The following CDON variants were observed in gnomAD, a reference collection of about 807,000 sequenced individuals.
The protein encoded by CDON is cell adhesion associated, oncogene regulated.
A neutral mutation model predicts 120.9 loss-of-function variants in CDON; 73 were observed. The observed-to-expected ratio is 0.60, with a 90% CI of 0.50 to 0.73. The LOEUF (loss-of-function observed/expected upper bound fraction) is 0.73. Among genes scored for constraint, CDON ranks in the 30% least tolerant of loss-of-function variants. CDON has a pLI of 0.00. For synonymous variants in CDON, 566 were observed against 573.5 expected, an observed-to-expected ratio of 0.99 and a Z score of 0.19; for missense variants, 1,470 against 1,587.3, an observed-to-expected ratio of 0.93 and a Z score of 1.26.
At chr11:125,996,002 C>G (rs1019015094) in intron 12 of CDON, among the ~76,000 whole-genome samples, 9 of 152,092 alleles carry the variant, frequency 5.9e-5, no homozygotes, top group African/African-American at 1.9e-4. Flanking sequence ...GGGGAGGGTT[C>G]CTCTGCTGAA....
intron 8 of CDON, among the ~76,000 whole-genome samples, chr11:126,008,196 G>A (rs1488059169): frequency 6.6e-6 from 1 of 152,014 alleles, no homozygotes; most frequent in Non-Finnish European, 1.5e-5. Context: ...AAAACCCAAA[G>A]TCTCTGGAAA....
At chr11:125,976,968 C>T (rs1946166100) in intron 18 of CDON, among the ~76,000 whole-genome samples, 1 of 152,154 alleles carries the variant, frequency 6.6e-6, no homozygotes, top group Non-Finnish European at 1.5e-5. Context: ...TCCAGGAGAA[C>T]CAAGATCTGC....
intron 7 of CDON, among the ~76,000 whole-genome samples, chr11:126,012,997 T>G (rs1233512118): frequency 6.6e-6 from 1 of 152,232 alleles, no homozygotes; most frequent in Non-Finnish European, 1.5e-5. Flanking sequence ...CAATGTTTCC[T>G]GTAAGTCCTT....
intron 7 of CDON, among the ~76,000 whole-genome samples, chr11:126,011,916 T>A (rs908122264): frequency 6.6e-6 from 1 of 152,208 alleles, no homozygotes; most frequent in South Asian, 2.1e-4. Context: ...TCCATGCTGA[T>A]AACAATTATC....
intron 1 of CDON, among the ~76,000 whole-genome samples, chr11:126,030,501 A>C (rs1462426922): frequency 6.6e-6 from 1 of 152,216 alleles, no homozygotes; most frequent in East Asian, 1.9e-4. Context: ...CTTTGAGATC[A>C]GTTATAGTTC....
chr11:126,007,666 C>T (rs1200760968), intron 8 of CDON, among the ~76,000 whole-genome samples: 2 of 152,052 alleles, frequency 1.3e-5, no homozygotes, highest in African/African-American at 2.4e-5. Flanking sequence ...ATGAGAAAAA[C>T]GTTAATGCTG....
intron 1 of CDON, among the ~76,000 whole-genome samples, chr11:126,052,444 A>G (rs988645329): frequency 3.3e-5 from 5 of 152,244 alleles, no homozygotes; most frequent in Non-Finnish European, 5.9e-5. Flanking sequence ...AAGTAGAGGT[A>G]TACACACTTG....
chr11:125,977,908 G>A (rs1946190183), intron 18 of CDON, among the ~76,000 whole-genome samples: 1 of 151,724 alleles, frequency 6.6e-6, no homozygotes, highest in African/African-American at 2.4e-5. Flanking sequence ...ATATACAGAG[G>A]GTTCCCCCCT....
rs1945588485 is a variant in CDON at position 125,959,741 on chromosome 11, A to G, written c.*1201T>C. On this transcript the variant is annotated 3_prime_UTR_variant, in exon 20 of 20. Transcript: ENST00000531738. ...CTAGTTTCGGCGTCATGGCACCATA[A>G]GCGTGTCCCTGTGCTAATCCAACAG... The G allele has an allele frequency of 6.6e-6, 1 of 152,196 alleles. No individual in the cohort carries two copies. Among genetic ancestry groups the G allele is most frequent in the East Asian group, 1.9e-4 (1 of 5,190 alleles). The allele number at this position is 152,196 out of a possible 1,614,324, so 9.4% of individuals were successfully genotyped here.
At chr11:126,032,010 A>G (rs1003836500) in intron 1 of CDON, among the ~76,000 whole-genome samples, 2 of 152,152 alleles carry the variant, frequency 1.3e-5, no homozygotes, top group Non-Finnish European at 2.9e-5. Flanking sequence ...ATGTTTTTCT[A>G]TCTGTGAAAT....
chr11:126,036,948 A>G (rs1417752328), intron 1 of CDON, among the ~76,000 whole-genome samples: 7 of 152,216 alleles, frequency 4.6e-5, no homozygotes, highest in Non-Finnish European at 1.5e-5. Context: ...TCAGCCGCCC[A>G]AAGTGCTGGG....
chr11:125,995,199 G>T lies in CDON; in HGVS notation c.2363-147C>A. The T allele has an allele frequency of 6.8e-6, 5 of 734,196 alleles. No homozygotes were observed. In the South Asian group the frequency reaches 7.8e-5, roughly 11 times the overall value. 45.5% of individuals were successfully genotyped at this position (734,196 alleles called of 1,614,324 possible). On this transcript the variant is annotated intron_variant, in intron 12 of 19. Transcript: ENST00000531738. Reference sequence around the variant, plus strand: ...TACTAAAGTATCTAAAGCCTGTATGGTAAATAGATTTCAACCCAATTGACA... The same window carrying T: ...TACTAAAGTATCTAAAGCCTGTATGTTAAATAGATTTCAACCCAATTGACA...
chr11:126,048,883 A>G (rs1405305862), intron 1 of CDON, among the ~76,000 whole-genome samples: 2 of 152,138 alleles, frequency 1.3e-5, no homozygotes, highest in African/African-American at 4.8e-5. Context: ...TTGTATTTTT[A>G]GTAGAGACGG....
At chr11:125,984,125 A>G (rs2134459955) in intron 15 of CDON, 32 bp from the exon 16 acceptor site, 1 of 1,433,922 alleles carries the variant, frequency 7.0e-7, no homozygotes, top group South Asian at 1.1e-5. Context: ...ACATGATGTC[A>G]GAGTGAATAC....
At chr11:126,053,669 TATGTAATGTATTGC>T (rs1403158212) in intron 1 of CDON, among the ~76,000 whole-genome samples, 2 of 152,026 alleles carry the variant, frequency 1.3e-5, no homozygotes, top group Non-Finnish European at 2.9e-5. Flanking sequence ...CATTGCAAGC[TATGTAATGTATTGC>T]ATACCATATC....
intron 9 of CDON, 35 bp downstream of exon 9, chr11:126,005,724 T>C: frequency 6.3e-7 from 1 of 1,595,238 alleles, no homozygotes; most frequent in Non-Finnish European, 8.6e-7. Context: ...CGTTCAGGTG[T>C]GAGCCGAGAA....
chr11:125,978,239 G>A (rs1036817080), intron 18 of CDON, 65 bp downstream of exon 18: 7 of 877,712 alleles, frequency 8.0e-6, no homozygotes, highest in African/African-American at 3.3e-5. Flanking sequence ...CTTTGCTGAA[G>A]GGAAAAATAA....
At chr11:126,011,553 C>T (rs550982693) in intron 7 of CDON, among the ~76,000 whole-genome samples, 1 of 152,104 alleles carries the variant, frequency 6.6e-6, no homozygotes, top group Non-Finnish European at 1.5e-5. Context: ...ATGCCTTTGT[C>T]AGTTTTTCTA....
At chr11:125,973,415 C>T (rs1371444107) in intron 18 of CDON, among the ~76,000 whole-genome samples, 1 of 152,176 alleles carries the variant, frequency 6.6e-6, no homozygotes, top group East Asian at 1.9e-4. Context: ...ACCTGTAATC[C>T]CAGCTACTTG....
Sources: allele counts gnomAD v4.1 joint callset (sites outside exome capture counted in the v4.1 genomes callset), GRCh38; gene constraint gnomAD v4.1.1; transcripts MANE v1.5; gene names NCBI Gene and HGNC (gene_info 2026-07-23, HGNC 2026-07-21).